Variants in FRRS1L observed in about 807,000 individuals in gnomAD.
FRRS1L encodes the protein DOMON domain-containing protein FRRS1L.
In FRRS1L, 22 loss-of-function variants were observed where a neutral mutation model predicts 28.6. That is an observed-to-expected ratio of 0.77 (90% CI 0.55 to 1.10). The LOEUF (loss-of-function observed/expected upper bound fraction) is 1.10. Among genes scored for constraint, FRRS1L ranks in the 50% least tolerant of loss-of-function variants. The pLI, the probability that FRRS1L is intolerant of heterozygous loss-of-function variation, is 0.00. For missense variants in FRRS1L, 380 were observed against 386.9 expected, an observed-to-expected ratio of 0.98 and a Z score of 0.15; for synonymous variants, 158 against 151.4, an observed-to-expected ratio of 1.04 and a Z score of -0.32.
At position 109,167,230 on chromosome 9, in the gene FRRS1L, G is replaced by A; in HGVS notation, c.-92C>T. On this transcript the variant is annotated 5_prime_UTR_variant, in exon 1 of 5. Transcript: ENST00000561981. ...GACTGAGCCTCCGCCGAGGCCACCA[G>A]CACGCGCCCGCGCAGCCGCGGAGCC... 7.3e-7 allele frequency: 1 copy of A among 1,371,540 alleles called. No homozygotes were observed. Among genetic ancestry groups the A allele is most frequent in the Non-Finnish European group, 9.5e-7 (1 of 1,058,040 alleles). The allele number at this position is 1,371,540 out of a possible 1,614,324, so 85.0% of individuals were successfully genotyped here.
intron 3 of FRRS1L, among the ~76,000 whole-genome samples, chr9:109,142,815 A>G (rs892497170): frequency 1.2e-5 from 1 of 85,572 alleles, no homozygotes. Flanking sequence ...TCAAAAAATA[A>G]AAATAAAAAA....
chr9:109,160,791 CT>C (rs750103312), intron 1 of FRRS1L, among the ~76,000 whole-genome samples: 35,113 of 113,948 alleles, frequency 0.31, 5,618 homozygotes, highest in East Asian at 0.42. Flanking sequence ...AGAAAGAAAT[CT>C]TTTTTTTTTT....
chr9:109,162,221 C>T (rs1178887051), intron 1 of FRRS1L, among the ~76,000 whole-genome samples: 1 of 152,198 alleles, frequency 6.6e-6, no homozygotes, highest in African/African-American at 2.4e-5. Flanking sequence ...GAGGCTGAGG[C>T]ATGAGCATCA....
At chr9:109,149,832 G>A (rs1831309598) in intron 1 of FRRS1L, 112 bp from the exon 2 acceptor site, 1 of 746,294 alleles carries the variant, frequency 1.3e-6, no homozygotes. Flanking sequence ...AATGTTTGGG[G>A]ACTCAGAAAA....
At chr9:109,145,100 C>G (rs1437826747) in intron 3 of FRRS1L, among the ~76,000 whole-genome samples, 2 of 152,190 alleles carry the variant, frequency 1.3e-5, no homozygotes, top group Non-Finnish European at 2.9e-5. Flanking sequence ...GCAGAAACAG[C>G]CACAAGGGCA....
At position 109,133,385 on chromosome 9, in the gene FRRS1L, T is replaced by A. The variant is rs528749442; in HGVS notation, c.*4070A>T. On this transcript the variant is annotated 3_prime_UTR_variant, in exon 5 of 5. Transcript: ENST00000561981. ...GTAAAACATGCTCCTTTCCTCTAAA[T>A]ATAACTATAAAAAGTCCTCCAATTA... 3 of 152,330 alleles carry A rather than the reference T, an allele frequency of 2.0e-5. No homozygotes were observed. The South Asian group carries it at 6.2e-4, about 32-fold the overall frequency. The allele number at this position is 152,330 out of a possible 1,614,324, so 9.4% of individuals were successfully genotyped here. A position where few individuals can be genotyped will look rare whatever the true frequency, so the allele number is the denominator to read the frequency against.
At chr9:109,153,078 G>C (rs1428533657) in intron 1 of FRRS1L, among the ~76,000 whole-genome samples, 1 of 152,052 alleles carries the variant, frequency 6.6e-6, no homozygotes. Context: ...GAAAAATAAA[G>C]AATTTGGCCT....
Position 109,167,025 on chromosome 9 carries a change from C to A in FRRS1L, c.114G>T (p.Gly38=). ...ASPADDGAGP[G]GRGPRGRARG... is the part of the protein sequence containing the mutation. ...GCGCGCGTCCCCGGGGTCCCCGGCC[C>A]CCCGGGCCCGCACCGTCGTCCGCGG... Residue 38 remains glycine (G), a synonymous_variant, in exon 1 of 5, where the codon GGG becomes GGT. Transcript: ENST00000561981. 2 of 1,214,806 alleles carry A rather than the reference C, an allele frequency of 1.6e-6. No homozygotes were observed. Among genetic ancestry groups the A allele is most frequent in the Non-Finnish European group, 1.0e-6 (1 of 978,168 alleles). 75.3% of individuals were successfully genotyped at this position (1,214,806 alleles called of 1,614,324 possible).
chr9:109,160,283 C>T (rs1030817394), intron 1 of FRRS1L, among the ~76,000 whole-genome samples: 4 of 152,188 alleles, frequency 2.6e-5, no homozygotes, highest in African/African-American at 9.7e-5. Context: ...AAGCTATCGT[C>T]CTATGTTTCT....
rs57474156 is a variant in FRRS1L at position 109,147,346 on chromosome 9, G to A, written c.324-157C>T. The A allele has an allele frequency of 0.15, 94,022 of 640,646 alleles. 7,733 individuals carry two copies. Among genetic ancestry groups the A allele is most frequent in the African/African-American group, 0.19 (10,525 of 54,616 alleles). 39.7% of individuals were successfully genotyped at this position (640,646 alleles called of 1,614,324 possible). A position where few individuals can be genotyped will look rare whatever the true frequency, so the allele number is the denominator to read the frequency against. On this transcript the variant is annotated intron_variant, in intron 2 of 4. Transcript: ENST00000561981. ...TAAAAACACAGTTTCACTCTCTTAG[G>A]AGGAACCTTAGAGATGATCTGCCCC... is the stretch of plus-strand genomic sequence containing the variant.
chr9:109,160,031 T>C (rs1831460827), intron 1 of FRRS1L, among the ~76,000 whole-genome samples: 2 of 152,262 alleles, frequency 1.3e-5, no homozygotes, highest in South Asian at 4.1e-4. Context: ...CTTTAGGCTT[T>C]GTGGATCCCC....
At chr9:109,145,837 C>CT (rs1261939484) in intron 3 of FRRS1L, among the ~76,000 whole-genome samples, 2 of 152,170 alleles carry the variant, frequency 1.3e-5, no homozygotes, top group African/African-American at 4.8e-5. Flanking sequence ...TTCCCCATGC[C>CT]TTCCCCTAAG....
At position 109,133,911 on chromosome 9, in the gene FRRS1L, A is replaced by G. The variant is rs1335771005; in HGVS notation, c.*3544T>C. 6.6e-6 allele frequency: 1 copy of G among 152,184 alleles called. No individual in the cohort carries two copies. Among genetic ancestry groups the G allele is most frequent in the Non-Finnish European group, 1.5e-5 (1 of 68,026 alleles). 9.4% of individuals were successfully genotyped at this position (152,184 alleles called of 1,614,324 possible). On this transcript the variant is annotated 3_prime_UTR_variant, in exon 5 of 5. Coordinates refer to ENST00000561981, the MANE Select transcript of FRRS1L (RefSeq NM_014334.4). ...GATGAATGAAACTGAAGTTTTTGGAATTATCACTTCAGCATGTCTATCGAC... is the reference window on the plus strand; with the variant it reads ...GATGAATGAAACTGAAGTTTTTGGAGTTATCACTTCAGCATGTCTATCGAC...
chr9:109,140,569 A>G (rs543900310), intron 4 of FRRS1L: 1 of 152,314 alleles, frequency 6.6e-6, no homozygotes, highest in African/African-American at 2.4e-5. Flanking sequence ...TTTAAGGAGT[A>G]ATGGGTTAAA....
chr9:109,141,038 G>C, intron 4 of FRRS1L: 2 of 378,732 alleles, frequency 5.3e-6, no homozygotes, highest in South Asian at 3.7e-5. Flanking sequence ...AATGCTGTGA[G>C]AATTGAACAG....
chr9:109,141,450 C>G lies in FRRS1L; in HGVS notation c.602G>C (p.Arg201Pro), dbSNP rs574642289. ...RDEEGVFENN[R>P]VTCRFKRPVN... ...AGGGCGTTTAAATCTGCAGGTGACGCGATTGTTCTCAAAAACTCCTTCTTC... is the reference window on the plus strand; with the variant it reads ...AGGGCGTTTAAATCTGCAGGTGACGGGATTGTTCTCAAAAACTCCTTCTTC... The change falls in exon 4 of 5, where the codon CGC becomes CCC. Residue 201 changes from arginine (R) to proline (P), a missense_variant. Physicochemically the swap from Arg to Pro is moderately radical, Grantham distance 103. Transcript: ENST00000561981. The G allele has an allele frequency of 6.2e-7, 1 of 1,614,008 alleles. No homozygotes were observed. The highest frequency in any genetic ancestry group is 1.3e-5 in the African/African-American group (1 of 74,922).
chr9:109,131,665 T>C lies in FRRS1L; in HGVS notation c.*5790A>G, dbSNP rs971103896. ...GTAAGTTGTAGGAATGTATCAAATG[T>C]ATATCACTTTCATATCATCGTAAGT... On this transcript the variant is annotated 3_prime_UTR_variant, in exon 5 of 5. Transcript: ENST00000561981. 6.6e-6 allele frequency: 1 copy of C among 152,272 alleles called. No homozygotes were observed. The highest frequency in any genetic ancestry group is 2.4e-5 in the African/African-American group (1 of 41,472). The allele number at this position is 152,272 out of a possible 1,614,324, so 9.4% of individuals were successfully genotyped here.
At chr9:109,143,640 G>C (rs1040124989) in intron 3 of FRRS1L, among the ~76,000 whole-genome samples, 1 of 150,136 alleles carries the variant, frequency 6.7e-6, no homozygotes, top group Non-Finnish European at 1.5e-5. Flanking sequence ...TCAGCCTCCC[G>C]AGTGGCTGGG....
intron 1 of FRRS1L, among the ~76,000 whole-genome samples, chr9:109,152,791 G>A (rs1249941221): frequency 8.7e-5 from 8 of 91,464 alleles, no homozygotes; most frequent in Non-Finnish European, 1.1e-4. Context: ...GTGACAGAGA[G>A]AGACTCCATC....
Sources: allele counts gnomAD v4.1 joint callset (sites outside exome capture counted in the v4.1 genomes callset), GRCh38; gene constraint gnomAD v4.1.1; transcripts MANE v1.5; gene names NCBI Gene and HGNC (gene_info 2026-07-23, HGNC 2026-07-21).